Variants in GRID2 observed in about 807,000 individuals in gnomAD.
The protein encoded by GRID2 is glutamate ionotropic receptor delta type subunit 2.
In GRID2, 33 loss-of-function variants were observed where a neutral mutation model predicts 114.8. That is an observed-to-expected ratio of 0.29 (90% CI 0.22 to 0.38). The LOEUF (loss-of-function observed/expected upper bound fraction) is 0.38, where lower values mean the gene tolerates loss of function less well. Among genes scored for constraint, GRID2 ranks in the 10% least tolerant of loss-of-function variants. GRID2 has a pLI of 1.00. For synonymous variants in GRID2, 505 were observed against 449.9 expected (o/e 1.12, Z -1.55); for missense variants, 1,184 against 1,257.7 (o/e 0.94, Z 0.89).
At chr4:93,474,637 G>A (rs150595198) in intron 11 of GRID2, among the ~76,000 whole-genome samples, 99 of 152,160 alleles carry the variant, frequency 6.5e-4, no homozygotes, top group African/African-American at 1.8e-3. Flanking sequence ...CAGAACCCTT[G>A]GTGGAAGAAA....
chr4:93,606,293 A>G (rs563516090), intron 13 of GRID2, among the ~76,000 whole-genome samples: 13 of 152,240 alleles, frequency 8.5e-5, no homozygotes, highest in Admixed American at 2.0e-4. Flanking sequence ...AAAAAAATGT[A>G]GAACTGAGAG....
chr4:92,539,013 G>A (rs1161578207), intron 1 of GRID2, among the ~76,000 whole-genome samples: 1 of 148,512 alleles, frequency 6.7e-6, no homozygotes, highest in African/African-American at 2.5e-5. Flanking sequence ...CTGCACTCCA[G>A]CCTGGGCGAC....
At chr4:92,719,939 T>C (rs1328813909) in intron 2 of GRID2, among the ~76,000 whole-genome samples, 1 of 152,100 alleles carries the variant, frequency 6.6e-6, no homozygotes, top group African/African-American at 2.4e-5. Flanking sequence ...AGTAAGATAA[T>C]ACGGTTTTAT....
chr4:93,183,333 A>C (rs1740083384), intron 4 of GRID2, among the ~76,000 whole-genome samples: 1 of 152,212 alleles, frequency 6.6e-6, no homozygotes. Context: ...ACTAAACAGA[A>C]TGTCATGAGT....
chr4:93,168,665 C>G (rs1238489651), intron 4 of GRID2, among the ~76,000 whole-genome samples: 1 of 152,048 alleles, frequency 6.6e-6, no homozygotes, highest in Non-Finnish European at 1.5e-5. Flanking sequence ...AAAATAAAAA[C>G]AGAGTCTTTA....
At chr4:93,006,613 A>T (rs1721559519) in intron 2 of GRID2, among the ~76,000 whole-genome samples, 1 of 151,934 alleles carries the variant, frequency 6.6e-6, no homozygotes, top group South Asian at 2.1e-4. Context: ...AAAGAGAGTC[A>T]CTATATCAGA....
At chr4:92,680,451 T>C (rs906091208) in intron 2 of GRID2, among the ~76,000 whole-genome samples, 1 of 152,070 alleles carries the variant, frequency 6.6e-6, no homozygotes, top group Admixed American at 6.6e-5. Flanking sequence ...TGCACAAATA[T>C]TTAAACACAA....
chr4:93,302,672 G>A, intron 8 of GRID2: 3 of 442,210 alleles, frequency 6.8e-6, no homozygotes, highest in Non-Finnish European at 9.1e-6. Flanking sequence ...AATTTTCTGT[G>A]GCAGTTTCAT....
chr4:92,333,175 T>C (rs1020859552), intron 1 of GRID2, among the ~76,000 whole-genome samples: 14 of 152,242 alleles, frequency 9.2e-5, no homozygotes, highest in Non-Finnish European at 1.5e-4. Flanking sequence ...CCCACAGATA[T>C]TGCATTCTGC....
chr4:92,801,880 G>A (rs991995977), intron 2 of GRID2, among the ~76,000 whole-genome samples: 13 of 151,696 alleles, frequency 8.6e-5, no homozygotes, highest in South Asian at 2.1e-4. Flanking sequence ...AAGTTAAATC[G>A]CTATTCCTCT....
Position 93,132,752 on chromosome 4 carries a change from G to A in GRID2, c.735+21799G>A, listed in dbSNP as rs539467112. On this transcript the variant is annotated intron_variant, in intron 4 of 15. Coordinates refer to ENST00000282020, the MANE Select transcript of GRID2 (RefSeq NM_001510.4). ...TTAGCAGCTGTGTAGGCAGAGGGAG[G>A]GTTGGGGGTATGGAAATTTGGCTAA... is the stretch of plus-strand genomic sequence containing the variant. Among the ~76,000 whole-genome samples, 9 of 152,280 alleles carry A rather than the reference G, an allele frequency of 5.9e-5. No individual in the cohort carries two copies. The East Asian group carries it at 1.7e-3, about 29-fold the overall frequency.
chr4:93,517,169 T>C (rs1729815051), intron 13 of GRID2, among the ~76,000 whole-genome samples: 2 of 152,096 alleles, frequency 1.3e-5, no homozygotes. Flanking sequence ...ATAAGTAGTA[T>C]GAGTAGAGCC....
intron 1 of GRID2, among the ~76,000 whole-genome samples, chr4:92,496,192 ATATT>A (rs1274747285): frequency 1.3e-5 from 2 of 151,884 alleles, no homozygotes; most frequent in Admixed American, 6.6e-5. Context: ...TAAAAAACTG[ATATT>A]TATCCTAATT....
intron 2 of GRID2, among the ~76,000 whole-genome samples, chr4:93,019,395 C>A (rs1023119113): frequency 6.6e-6 from 1 of 151,966 alleles, no homozygotes; most frequent in Non-Finnish European, 1.5e-5. Flanking sequence ...ATTCTTGGGG[C>A]CTGAAGTTTT....
chr4:92,434,565 G>A (rs1275208203), intron 1 of GRID2, among the ~76,000 whole-genome samples: 2 of 152,064 alleles, frequency 1.3e-5, no homozygotes, highest in African/African-American at 4.8e-5. Context: ...AGCCTAGAAA[G>A]GACAACAGCT....
At chr4:93,741,174 C>CATACATATAT (rs1731345934) in intron 14 of GRID2, among the ~76,000 whole-genome samples, 1 of 41,240 alleles carries the variant, frequency 2.4e-5, no homozygotes, top group African/African-American at 1.2e-4. Context: ...TATATATATA[C>CATACATATAT]ATATATATAT....
At chr4:93,244,594 ATTAT>A (rs2149521598) in intron 8 of GRID2, among the ~76,000 whole-genome samples, 2 of 44,944 alleles carry the variant, frequency 4.4e-5, no homozygotes, top group African/African-American at 1.0e-4. Flanking sequence ...TATATAATCT[ATTAT>A]ATATTAATTA....
At chr4:93,719,831 C>T (rs982604126) in intron 14 of GRID2, among the ~76,000 whole-genome samples, 1 of 152,128 alleles carries the variant, frequency 6.6e-6, no homozygotes, top group South Asian at 2.1e-4. Flanking sequence ...ATAGAACAAG[C>T]ATCTTTTCCT....
At chr4:93,506,848 C>A (rs1219950786) in intron 12 of GRID2, among the ~76,000 whole-genome samples, 1 of 152,128 alleles carries the variant, frequency 6.6e-6, no homozygotes, top group East Asian at 1.9e-4. Context: ...CCAAAGGCTT[C>A]TGCTGTGTTG....
Sources: allele counts gnomAD v4.1 joint callset (sites outside exome capture counted in the v4.1 genomes callset), GRCh38; gene constraint gnomAD v4.1.1; transcripts MANE v1.5; gene names NCBI Gene and HGNC (gene_info 2026-07-23, HGNC 2026-07-21).